The following ZNF280D variants were observed in gnomAD, a reference collection of about 807,000 sequenced individuals.
The protein encoded by ZNF280D is zinc finger protein 280D.
Under a neutral mutation model 94.7 loss-of-function variants are expected in ZNF280D, and 39 were observed. The observed-to-expected ratio is 0.41, with a 90% confidence interval of 0.32 to 0.54. The LOEUF (loss-of-function observed/expected upper bound fraction) is 0.54, where lower values mean the gene tolerates loss of function less well. Ranked by LOEUF, ZNF280D falls within the 20% of genes least tolerant of loss-of-function variation. The pLI, the probability that ZNF280D is intolerant of heterozygous loss-of-function variation, is 0.22. For missense variants in ZNF280D, 1,090 were observed against 1,149.3 expected, an observed-to-expected ratio of 0.95 and a Z score of 0.75; for synonymous variants, 398 against 377.6, an observed-to-expected ratio of 1.05 and a Z score of -0.63.
At chr15:56,642,390 T>C (rs2052672357) in intron 20 of ZNF280D, among the ~76,000 whole-genome samples, 15 of 151,708 alleles carry the variant, frequency 9.9e-5, no homozygotes, top group Non-Finnish European at 1.5e-5. Context: ...CAAACAATCA[T>C]TAAGTAATAT....
intron 14 of ZNF280D, chr15:56,668,267 C>T (rs536983994): frequency 1.2e-5 from 5 of 409,164 alleles, no homozygotes; most frequent in Non-Finnish European, 2.4e-5. Context: ...TCAGAGAAAA[C>T]AGATGTACAT....
chr15:56,648,154 C>T (rs1285230048), intron 19 of ZNF280D, among the ~76,000 whole-genome samples: 1 of 152,110 alleles, frequency 6.6e-6, no homozygotes, highest in Non-Finnish European at 1.5e-5. Context: ...ATGATCATGC[C>T]AGGGAAACTG....
intron 16 of ZNF280D, among the ~76,000 whole-genome samples, chr15:56,664,360 T>G (rs1291508171): frequency 6.6e-6 from 1 of 152,096 alleles, no homozygotes; most frequent in East Asian, 1.9e-4. Context: ...TCCAAAAAAT[T>G]TTTTAAATAC....
At chr15:56,724,067 T>C (rs2058511744) in intron 1 of ZNF280D, among the ~76,000 whole-genome samples, 1 of 152,174 alleles carries the variant, frequency 6.6e-6, no homozygotes, top group Non-Finnish European at 1.5e-5. Flanking sequence ...TATCACAATA[T>C]GGTATCATAC....
intron 19 of ZNF280D, among the ~76,000 whole-genome samples, chr15:56,647,395 TC>T (rs1357135240): frequency 1.3e-5 from 2 of 152,148 alleles, no homozygotes; most frequent in Non-Finnish European, 2.9e-5. Flanking sequence ...GAGAAAGCAT[TC>T]TTTGAGGGAA....
At chr15:56,636,294 GAA>G (rs1413624380) in intron 20 of ZNF280D, among the ~76,000 whole-genome samples, 2 of 152,098 alleles carry the variant, frequency 1.3e-5, no homozygotes, top group Non-Finnish European at 2.9e-5. Context: ...GGAGTGCAAG[GAA>G]AAGAGATCAA....
In ZNF280D at chr15:56,706,158, AAGG is replaced by A. The variant is rs1341562443; in HGVS notation, c.28+921_28+923del. On this transcript the variant is annotated intron_variant, in intron 3 of 21. Transcript: ENST00000267807. ...GATTAGGACACAGACACAAGCAGAAAAGGAGATCACAGGAAGATGTAAGGAGAA... is the reference window on the plus strand; with the variant it reads ...GATTAGGACACAGACACAAGCAGAAAAGATCACAGGAAGATGTAAGGAGAA... Among the ~76,000 whole-genome samples, 3 of 136,662 alleles carry A rather than the reference AAGG, an allele frequency of 2.2e-5. No individual in the cohort carries two copies. In the East Asian group the frequency reaches 6.4e-4, roughly 29 times the overall value. The allele number at this position is 136,662 out of a possible 152,430, so 89.7% of individuals were successfully genotyped here. A position where few individuals can be genotyped will look rare whatever the true frequency, so the allele number is the denominator to read the frequency against.
At chr15:56,712,865 C>T (rs200958080) in intron 1 of ZNF280D, among the ~76,000 whole-genome samples, 3 of 151,486 alleles carry the variant, frequency 2.0e-5, no homozygotes, top group East Asian at 3.9e-4. Flanking sequence ...CTCAGCCTCC[C>T]GAGTAGCTGG....
intron 1 of ZNF280D, among the ~76,000 whole-genome samples, chr15:56,726,941 G>A (rs1304252304): frequency 1.3e-5 from 2 of 152,124 alleles, no homozygotes; most frequent in African/African-American, 2.4e-5. Flanking sequence ...GGAGTTCACA[G>A]AAAAGAAGTG....
At chr15:56,649,442 A>G (rs2053085565) in intron 19 of ZNF280D, among the ~76,000 whole-genome samples, 1 of 152,172 alleles carries the variant, frequency 6.6e-6, no homozygotes. Flanking sequence ...AGGAGCAAAT[A>G]TATTAAGTCT....
rs1241458540 is a variant in ZNF280D at position 56,689,421 on chromosome 15, T to G, written c.549A>C (p.Val183=). ...FLSKRPSTSE[V]NNVNPKKPKP... ...TAGGCTTCTTTGGATTAACATTATT[T>G]ACTTCAGAAGTAGAAGGACGTTTTG... is the stretch of plus-strand genomic sequence containing the variant. The change falls in exon 8 of 22, where the codon GTA becomes GTC. Residue 183 remains valine, a synonymous_variant. Coordinates refer to ENST00000267807, the MANE Select transcript of ZNF280D (RefSeq NM_017661.4). 1.9e-6 allele frequency: 3 copies of G among 1,591,130 alleles called. No individual in the cohort carries two copies. The African/African-American group carries it at 4.0e-5, about 21-fold the overall frequency.
intron 13 of ZNF280D, among the ~76,000 whole-genome samples, chr15:56,674,632 T>C (rs2055092027): frequency 6.6e-6 from 1 of 152,032 alleles, no homozygotes; most frequent in African/African-American, 2.4e-5. Flanking sequence ...TGTTTCCTCA[T>C]CTATAAAACT....
intron 16 of ZNF280D, among the ~76,000 whole-genome samples, chr15:56,665,988 T>C (rs2054262361): frequency 6.6e-6 from 1 of 151,830 alleles, no homozygotes; most frequent in African/African-American, 2.4e-5. Flanking sequence ...ATCCAAAAAC[T>C]AGCCAGGCAT....
At chr15:56,678,261 G>A (rs1386365790) in intron 11 of ZNF280D, among the ~76,000 whole-genome samples, 1 of 152,066 alleles carries the variant, frequency 6.6e-6, no homozygotes, top group East Asian at 1.9e-4. Flanking sequence ...GCCCACATTG[G>A]CCTCCCAAAG....
chr15:56,701,931 T>C (rs2057100119), intron 4 of ZNF280D, among the ~76,000 whole-genome samples: 1 of 151,240 alleles, frequency 6.6e-6, no homozygotes. Flanking sequence ...CTTGCATGCA[T>C]GTAAACTCTG....
intron 15 of ZNF280D, 39 bp downstream of exon 15, chr15:56,666,640 A>C (rs752157461): frequency 6.6e-7 from 1 of 1,518,836 alleles, no homozygotes; most frequent in East Asian, 2.4e-5. Flanking sequence ...TTTTATACTT[A>C]AGTTTAAATT....
chr15:56,632,162 G>A (rs1356206120), intron 21 of ZNF280D, 40 bp from the exon 22 acceptor site: 2 of 1,462,532 alleles, frequency 1.4e-6, no homozygotes, highest in African/African-American at 1.4e-5. Flanking sequence ...TCTTCATAAA[G>A]CAATGTTTTT....
rs898113598 is a variant in ZNF280D, at chr15:56,631,908, G to A, written c.2530C>T (p.His844Tyr). ...DKVEKKKQIQ[H>Y]VCQEMELKMC... Reference sequence around the variant, plus strand: ...TTCAACTCCATTTCCTGACAAACGTGTTGTATTTGTTTTTTCTTTTCCACT... The same window carrying A: ...TTCAACTCCATTTCCTGACAAACGTATTGTATTTGTTTTTTCTTTTCCACT... Residue 844 changes from histidine (H) to tyrosine (Y), a missense_variant, in exon 22 of 22, where the codon CAC becomes TAC. This residue lies in a region of ZNF280D where 577 missense variants were observed against 568.8 expected (regional missense o/e 1.01). Coordinates refer to ENST00000267807, the MANE Select transcript of ZNF280D (RefSeq NM_017661.4). 3 of 1,613,530 alleles carry A rather than the reference G, an allele frequency of 1.9e-6. No individual in the cohort carries two copies. Among genetic ancestry groups the A allele is most frequent in the Non-Finnish European group, 2.5e-6 (3 of 1,179,998 alleles).
In ZNF280D at chr15:56,631,540, T is replaced by C. The variant is rs1259297453; in HGVS notation, c.2898A>G (p.Thr966=). Residue 966 remains threonine (T), a synonymous_variant, in exon 22 of 22, where the codon ACA becomes ACG. Transcript: ENST00000267807. ...DIPGGNNPST[T]EATVDLEDEK... is the part of the protein sequence containing the mutation. ...CGTCTTCCAGGTCTACTGTTGCCTCTGTTGTGCTAGGGTTATTTCCTCCAG... is the reference window on the plus strand; with the variant it reads ...CGTCTTCCAGGTCTACTGTTGCCTCCGTTGTGCTAGGGTTATTTCCTCCAG... The C allele has an allele frequency of 6.2e-7, 1 of 1,613,972 alleles. No individual in the cohort carries two copies. Among genetic ancestry groups the C allele is most frequent in the South Asian group, 1.1e-5 (1 of 91,076 alleles).
Sources: gnomAD v4.1 joint callset for allele counts (sites outside exome capture counted in the v4.1 genomes callset) on GRCh38, gnomAD v4.1.1 for gene constraint, gnomAD v4.1.1 regional missense constraint, MANE v1.5 for transcripts, NCBI Gene and HGNC (gene_info 2026-07-23, HGNC 2026-07-21) for gene names.